EPHA6: variants seen among roughly 807,000 people sequenced by gnomAD.
The protein encoded by EPHA6 is EPH receptor A6.
A neutral mutation model predicts 112.0 loss-of-function variants in EPHA6; 50 were observed. The observed-to-expected ratio is 0.45, with a 90% CI of 0.36 to 0.56. EPHA6 has a LOEUF of 0.56. Ranked by LOEUF, EPHA6 falls within the 20% of genes least tolerant of loss-of-function variation. The pLI is 0.00. For synonymous variants in EPHA6, 529 were observed against 490.7 expected (o/e 1.08, Z -1.03); for missense variants, 1,280 against 1,417.4 (o/e 0.90, Z 1.56).
At chr3:97,316,979 T>A (rs1233818922) in intron 5 of EPHA6, among the ~76,000 whole-genome samples, 1 of 151,912 alleles carries the variant, frequency 6.6e-6, no homozygotes, top group African/African-American at 2.4e-5. Context: ...AATAAATAAA[T>A]TTTAAAAAGA....
At chr3:97,363,372 G>C (rs528461042) in intron 5 of EPHA6, among the ~76,000 whole-genome samples, 1 of 150,410 alleles carries the variant, frequency 6.6e-6, no homozygotes, top group Non-Finnish European at 1.5e-5. Flanking sequence ...GCAACCACTG[G>C]CCTGCAAATT....
At chr3:97,087,582 C>G (rs1259424070) in intron 3 of EPHA6, among the ~76,000 whole-genome samples, 4 of 152,088 alleles carry the variant, frequency 2.6e-5, no homozygotes, top group African/African-American at 4.8e-5. Flanking sequence ...ATGGAAAATA[C>G]AAAAGGTGCA....
intron 2 of EPHA6, among the ~76,000 whole-genome samples, chr3:96,884,869 A>G (rs2037533032): frequency 6.6e-6 from 1 of 152,112 alleles, no homozygotes; most frequent in East Asian, 1.9e-4. Context: ...TTTGTCATAG[A>G]TGGCTTTTAT....
chr3:97,338,737 A>T (rs1467413573), intron 5 of EPHA6, among the ~76,000 whole-genome samples: 1 of 152,190 alleles, frequency 6.6e-6, no homozygotes, highest in Non-Finnish European at 1.5e-5. Context: ...TGAGAGTGTT[A>T]GTTGCATTAC....
At position 97,375,864 on chromosome 3, in the gene EPHA6, C is replaced by A. The variant is rs559450281; in HGVS notation, c.1607-29286C>A. On this transcript the variant is annotated intron_variant, in intron 5 of 17. Coordinates refer to ENST00000389672, the MANE Select transcript of EPHA6 (RefSeq NM_001080448.3). ...CTCTATGATTCATTTATATAGAATT[C>A]TAGAAAATACAAACTAACCTATAGT... Among the ~76,000 whole-genome samples, 4 of 152,184 alleles carry A rather than the reference C, an allele frequency of 2.6e-5. No homozygotes were observed. In the South Asian group the frequency reaches 8.3e-4, roughly 32 times the overall value.
At chr3:97,016,635 C>T (rs1342068295) in intron 3 of EPHA6, among the ~76,000 whole-genome samples, 2 of 152,106 alleles carry the variant, frequency 1.3e-5, no homozygotes, top group East Asian at 1.9e-4. Flanking sequence ...TGTCTAGAGC[C>T]GTGAACCCAT....
intron 7 of EPHA6, among the ~76,000 whole-genome samples, chr3:97,471,021 G>C (rs909889164): frequency 2.0e-5 from 3 of 151,630 alleles, no homozygotes; most frequent in African/African-American, 7.3e-5. Flanking sequence ...CTAATGAGAA[G>C]GTTCTGCTCA....
intron 12 of EPHA6, among the ~76,000 whole-genome samples, chr3:97,598,439 C>T (rs2093613559): frequency 1.6e-5 from 2 of 128,950 alleles, no homozygotes; most frequent in African/African-American, 5.8e-5. Context: ...CCACAGTCCC[C>T]AGAGTGTGAT....
At chr3:97,646,935 C>A (rs2094069237) in intron 14 of EPHA6, among the ~76,000 whole-genome samples, 1 of 152,040 alleles carries the variant, frequency 6.6e-6, no homozygotes, top group Admixed American at 6.6e-5. Flanking sequence ...AAAGGCAGTC[C>A]ACTCTGGATT....
At chr3:97,700,396 G>A (rs373621999) in intron 14 of EPHA6, among the ~76,000 whole-genome samples, 18 of 152,178 alleles carry the variant, frequency 1.2e-4, no homozygotes, top group African/African-American at 4.1e-4. Context: ...CTGTGTCACT[G>A]AAGTCCAGAA....
intron 11 of EPHA6, among the ~76,000 whole-genome samples, chr3:97,574,649 T>G (rs568043404): frequency 4.5e-4 from 68 of 152,266 alleles, no homozygotes; most frequent in Admixed American, 2.1e-3. Context: ...CAAAGACTAC[T>G]ATGAAATTAT....
intron 3 of EPHA6, among the ~76,000 whole-genome samples, chr3:97,108,631 A>G (rs72920292): frequency 0.034 from 5,133 of 152,258 alleles, 284 homozygotes; most frequent in African/African-American, 0.11. Context: ...TGCTTCTGGC[A>G]GAAGCTACTG....
At chr3:97,205,117 G>A (rs969895541) in intron 3 of EPHA6, among the ~76,000 whole-genome samples, 6 of 152,040 alleles carry the variant, frequency 3.9e-5, no homozygotes, top group African/African-American at 1.4e-4. Context: ...GGAAAATGTA[G>A]AAAGGCTTGT....
Position 97,710,128 on chromosome 3 carries a change from A to T in EPHA6, c.2785-10133A>T, listed in dbSNP as rs189418083. Among the ~76,000 whole-genome samples, 3 of 152,274 alleles carry T rather than the reference A, an allele frequency of 2.0e-5. No individual in the cohort carries two copies. The East Asian group carries it at 5.8e-4, about 29-fold the overall frequency. ...CTAGGTACTTCCAGACATTTTTCCA[A>T]GTTCTTCTCCACCTTTGGGGGTGAG... is the stretch of plus-strand genomic sequence containing the variant. On this transcript the variant is annotated intron_variant, in intron 14 of 17. Transcript: ENST00000389672.
chr3:97,283,984 T>A (rs1312830958), intron 5 of EPHA6, among the ~76,000 whole-genome samples: 1 of 152,168 alleles, frequency 6.6e-6, no homozygotes, highest in African/African-American at 2.4e-5. Context: ...CATTATCTCA[T>A]AATTATATTT....
intron 2 of EPHA6, among the ~76,000 whole-genome samples, chr3:96,897,510 T>C (rs1165563839): frequency 2.0e-5 from 3 of 152,166 alleles, no homozygotes; most frequent in African/African-American, 4.8e-5. Context: ...GGCTGAGTCG[T>C]CTGTTCAGAG....
chr3:96,998,194 T>C (rs934530112), intron 3 of EPHA6, among the ~76,000 whole-genome samples: 1 of 151,974 alleles, frequency 6.6e-6, no homozygotes, highest in African/African-American at 2.4e-5. Flanking sequence ...TCACTATCTC[T>C]GTACTCTTTC....
At chr3:97,171,058 A>C (rs1432367044) in intron 3 of EPHA6, among the ~76,000 whole-genome samples, 3 of 152,220 alleles carry the variant, frequency 2.0e-5, no homozygotes, top group African/African-American at 7.2e-5. Flanking sequence ...GAAACTCACC[A>C]TTAAGTGTAG....
At chr3:97,539,107 T>TTC (rs1560113433) in intron 11 of EPHA6, among the ~76,000 whole-genome samples, 35 of 127,676 alleles carry the variant, frequency 2.7e-4, no homozygotes, top group African/African-American at 1.1e-3. Flanking sequence ...TTCCTTCCTT[T>TTC]CTTTCTTTCT....
Sources: allele counts gnomAD v4.1 joint callset (sites outside exome capture counted in the v4.1 genomes callset), GRCh38; gene constraint gnomAD v4.1.1; transcripts MANE v1.5; gene names NCBI Gene and HGNC (gene_info 2026-07-23, HGNC 2026-07-21).